ABCB1: variants seen among roughly 807,000 people sequenced by gnomAD.
ABCB1 encodes ATP binding cassette subfamily B member 1, also known as ATP-dependent translocase ABCB1.
In ABCB1, 69 loss-of-function variants were observed where a neutral mutation model predicts 142.0. That is an observed-to-expected ratio of 0.49 (90% confidence interval 0.40 to 0.59). The LOEUF is 0.59. Among genes scored for constraint, ABCB1 ranks in the 20% least tolerant of loss-of-function variants. The pLI is 0.00. For missense variants in ABCB1, 1,326 were observed against 1,554.7 expected (o/e 0.85, Z 2.47); for synonymous variants, 532 against 539.2 (o/e 0.99, Z 0.18).
intron 4 of ABCB1, among the ~76,000 whole-genome samples, chr7:87,571,499 T>C (rs78994931): frequency 0.013 from 2,028 of 151,892 alleles, 56 homozygotes; most frequent in African/African-American, 0.046. Context: ...TAAATGAGAA[T>C]AGAAAAGAAA....
At chr7:87,580,222 G>A (rs932397270) in intron 4 of ABCB1, among the ~76,000 whole-genome samples, 3 of 152,082 alleles carry the variant, frequency 2.0e-5, no homozygotes, top group African/African-American at 7.2e-5. Flanking sequence ...AGCATTTCTT[G>A]TCTAGACAGG....
chr7:87,701,002 T>C (rs1585139909), intron 1 of ABCB1, among the ~76,000 whole-genome samples: 3 of 152,210 alleles, frequency 2.0e-5, no homozygotes, highest in East Asian at 3.8e-4. Context: ...AGAATGACCA[T>C]GATGGTGCGG....
intron 9 of ABCB1, 83 bp from the exon 10 acceptor site, chr7:87,550,921 A>G (rs1817037406): frequency 1.2e-6 from 1 of 830,526 alleles, no homozygotes; most frequent in Non-Finnish European, 2.1e-6. Flanking sequence ...TTTTTCTAAC[A>G]TAGGTAATTA....
At position 87,655,104 on chromosome 7, in the gene ABCB1, A is replaced by G. The variant is rs148659827; in HGVS notation, c.-330-54026T>C. Among the ~76,000 whole-genome samples, 41 of 152,266 alleles carry G rather than the reference A, an allele frequency of 2.7e-4. No homozygotes were observed. The East Asian group carries it at 7.1e-3, about 26-fold the overall frequency. ...AATGTAAATTTAGAACAGCCATTACAGAAAACATTATGGAGGTTCCTCAAA... is the reference window on the plus strand; with the variant it reads ...AATGTAAATTTAGAACAGCCATTACGGAAAACATTATGGAGGTTCCTCAAA... On this transcript the variant is annotated intron_variant, in intron 1 of 28. Coordinates refer to the ABCB1 transcript ENST00000265724.
At chr7:87,584,958 C>G (rs867880947) in intron 4 of ABCB1, among the ~76,000 whole-genome samples, 5 of 148,972 alleles carry the variant, frequency 3.4e-5, no homozygotes, top group African/African-American at 1.0e-4. Flanking sequence ...AATACCCCCC[C>G]ACACACACAC....
intron 4 of ABCB1, among the ~76,000 whole-genome samples, chr7:87,584,951 A>G (rs1156908200): frequency 2.7e-5 from 4 of 148,932 alleles, no homozygotes; most frequent in Non-Finnish European, 5.9e-5. Context: ...ATCCTAAAAT[A>G]CCCCCCCACA....
At chr7:87,544,798 A>G in intron 16 of ABCB1, 25 bp downstream of exon 16, 1 of 1,613,488 alleles carries the variant, frequency 6.2e-7, no homozygotes. Flanking sequence ...TGAGATTAAA[A>G]CAAACTCCGC....
chr7:87,681,367 C>A (rs866197408), intron 1 of ABCB1, among the ~76,000 whole-genome samples: 1 of 150,408 alleles, frequency 6.6e-6, no homozygotes, highest in African/African-American at 2.5e-5. Flanking sequence ...CAAAATATTA[C>A]AAGAAAAGGA....
At chr7:87,689,987 T>C (rs994464420) in intron 1 of ABCB1, among the ~76,000 whole-genome samples, 10 of 152,062 alleles carry the variant, frequency 6.6e-5, no homozygotes, top group African/African-American at 2.4e-4. Flanking sequence ...CATAGATTTT[T>C]TTTTAAAAAT....
intron 1 of ABCB1, chr7:87,694,062 G>T: frequency 6.5e-7 from 1 of 1,535,370 alleles, no homozygotes; most frequent in Non-Finnish European, 8.6e-7. Context: ...TTAGTACATT[G>T]CATGGGTTTT....
intron 1 of ABCB1, chr7:87,650,851 C>T: frequency 6.2e-7 from 1 of 1,612,140 alleles, no homozygotes; most frequent in Non-Finnish European, 8.5e-7. Flanking sequence ...ATTGATCGGT[C>T]TTGCTTTGAG....
intron 1 of ABCB1, chr7:87,693,951 T>G (rs1563139252): frequency 6.2e-7 from 1 of 1,611,692 alleles, no homozygotes; most frequent in Admixed American, 1.7e-5. Context: ...TCCAAATACC[T>G]CTTCAAGGTA....
chr7:87,689,602 A>G, intron 1 of ABCB1, among the ~76,000 whole-genome samples: 1 of 152,278 alleles, frequency 6.6e-6, no homozygotes, highest in Middle Eastern at 3.4e-3. Context: ...TGTGCTAATC[A>G]TCTAAAGAAA....
chr7:87,549,284 A>C, intron 14 of ABCB1, 64 bp downstream of exon 14: 1 of 1,599,898 alleles, frequency 6.3e-7, no homozygotes, highest in Non-Finnish European at 8.6e-7. Flanking sequence ...AATATTAACA[A>C]GAATTAGTAG....
chr7:87,681,638 AG>A (rs906461208), intron 1 of ABCB1, among the ~76,000 whole-genome samples: 1 of 150,606 alleles, frequency 6.6e-6, no homozygotes, highest in African/African-American at 2.5e-5. Flanking sequence ...TTGCTGGTGG[AG>A]GGTCTTGCCT....
chr7:87,712,170 G>A (rs1273194372), intron 1 of ABCB1, among the ~76,000 whole-genome samples: 2 of 152,084 alleles, frequency 1.3e-5, no homozygotes, highest in Admixed American at 1.3e-4. Flanking sequence ...GACCAGGATA[G>A]AAAGACTTTT....
At chr7:87,590,599 A>G (rs1818960937) in intron 3 of ABCB1, among the ~76,000 whole-genome samples, 1 of 152,224 alleles carries the variant, frequency 6.6e-6, no homozygotes, top group Non-Finnish European at 1.5e-5. Flanking sequence ...CCAGGCAGGA[A>G]GAGCCAATGC....
At chr7:87,550,358 A>G in intron 11 of ABCB1, 62 bp from the exon 12 acceptor site, 2 of 1,612,286 alleles carry the variant, frequency 1.2e-6, no homozygotes, top group South Asian at 2.2e-5. Flanking sequence ...ATAGGAACTG[A>G]CTGTTCACTA....
intron 4 of ABCB1, among the ~76,000 whole-genome samples, chr7:87,573,891 GAT>G (rs148628175): frequency 1.3e-5 from 2 of 151,418 alleles, no homozygotes; most frequent in Admixed American, 6.6e-5. Flanking sequence ...AAACCTACAC[GAT>G]ATATATATAT....
Sources: gnomAD v4.1 joint callset for allele counts (sites outside exome capture counted in the v4.1 genomes callset) on GRCh38, gnomAD v4.1.1 for gene constraint, MANE v1.5 for transcripts, NCBI Gene and HGNC (gene_info 2026-07-23, HGNC 2026-07-21) for gene names.